Variants in RPL3 observed in about 807,000 individuals in gnomAD.
RPL3 encodes ribosomal protein L3.
A neutral mutation model predicts 46.0 loss-of-function variants in RPL3; 3 were observed. That is an observed-to-expected ratio of 0.07 (90% CI 0.03 to 0.17). The LOEUF (loss-of-function observed/expected upper bound fraction) is 0.17, where lower values mean the gene tolerates loss of function less well. Among genes scored for constraint, RPL3 ranks in the 10% least tolerant of loss-of-function variants. The probability of loss-of-function intolerance (pLI) is 1.00; values close to 1 mark genes in which losing one functional copy is unlikely to be tolerated. For missense variants in RPL3, 387 were observed against 532.7 expected (o/e 0.73, Z 2.69); for synonymous variants, 224 against 190.8 (o/e 1.17, Z -1.43).
chr22:39,314,857 T>C lies in RPL3; in HGVS notation c.689-11A>G, dbSNP rs765485141. On this transcript the variant is annotated splice_polypyrimidine_tract_variant and intron_variant, in intron 5 of 9. Coordinates refer to ENST00000216146, the MANE Select transcript of RPL3 (RefSeq NM_000967.4). ...AACGACTGGTGACCCCTGGAATGGA[T>C]ACACATTACTTCACCTCAGCGCCCA... 9.9e-6 allele frequency: 16 copies of C among 1,610,594 alleles called. No homozygotes were observed. Among genetic ancestry groups the C allele is most frequent in the Non-Finnish European group, 1.2e-5 (14 of 1,177,650 alleles).
rs112651301 is a variant in RPL3 at position 39,314,211 on chromosome 22, G to A, written c.850-3C>T. Reference sequence around the variant, plus strand: ...TAGCCCTGGCCAATCTTATAAATCTGAATGAACAAGAAGGGTGTAAGGCTG... The same window carrying A: ...TAGCCCTGGCCAATCTTATAAATCTAAATGAACAAGAAGGGTGTAAGGCTG... On this transcript the variant is annotated splice_polypyrimidine_tract_variant and splice_region_variant and intron_variant, in intron 6 of 9. Coordinates refer to ENST00000216146, the MANE Select transcript of RPL3 (RefSeq NM_000967.4). 2 of 1,612,186 alleles carry A rather than the reference G, an allele frequency of 1.2e-6. No individual in the cohort carries two copies. The highest frequency in any genetic ancestry group is 8.5e-7 in the Non-Finnish European group (1 of 1,178,340).
intron 1 of RPL3, 136 bp from the exon 2 acceptor site, chr22:39,318,728 T>A: frequency 1.4e-6 from 1 of 708,474 alleles, no homozygotes; most frequent in East Asian, 2.7e-5. Flanking sequence ...AATAAAAAGG[T>A]CATTATCTCT....
chr22:39,314,270 T>C, intron 6 of RPL3, 62 bp from the exon 7 acceptor site: 4 of 1,407,758 alleles, frequency 2.8e-6, no homozygotes, highest in Non-Finnish European at 4.0e-6. Context: ...GACATGCCAG[T>C]GTGCTGACCT....
At chr22:39,315,322 C>T in intron 5 of RPL3, 47 bp downstream of exon 5, 7 of 1,613,040 alleles carry the variant, frequency 4.3e-6, no homozygotes, top group Non-Finnish European at 5.1e-6. Context: ...CCTGAAACCA[C>T]TTCTCCCCCA....
At chr22:39,317,318 G>T in intron 3 of RPL3, 143 bp downstream of exon 3, 2 of 919,960 alleles carry the variant, frequency 2.2e-6, no homozygotes, top group Non-Finnish European at 3.2e-6. Flanking sequence ...TCTGATCCCA[G>T]GTATTTTTCT....
chr22:39,314,693 T>C lies in RPL3; in HGVS notation c.842A>G (p.Asn281Ser), dbSNP rs375753135. 8 of 1,612,488 alleles carry C rather than the reference T, an allele frequency of 5.0e-6. No individual in the cohort carries two copies. The African/African-American group carries it at 5.3e-5, about 11-fold the overall frequency. The change falls in exon 6 of 10, where the codon AAC becomes AGC. Residue 281 changes from asparagine (N) to serine (S), a missense_variant. Asn to Ser is a conservative substitution (Grantham distance 46). Around this residue, in one of 5 missense-constraint regions of RPL3, gnomAD observed 131 missense variants for 185.1 expected, o/e 0.71. Transcript: ENST00000216146. ...CCACTCTCAGAACCTCACCTTCTTG[T>C]TGATCTCAGTGCGGTGATGGTAGCC... is the stretch of plus-strand genomic sequence containing the variant. Reference protein sequence around the residue: ...QKGYHHRTEINKKIYKIGQGY... With the variant: ...QKGYHHRTEISKKIYKIGQGY...
chr22:39,313,963 T>C (rs1176247130), intron 7 of RPL3, 144 bp downstream of exon 7: 3 of 853,362 alleles, frequency 3.5e-6, no homozygotes, highest in South Asian at 2.7e-5. Context: ...TGGACTCAGA[T>C]GACAACATGC....
chr22:39,314,576 A>C (rs1196752506), intron 6 of RPL3, 110 bp downstream of exon 6: 2 of 1,281,892 alleles, frequency 1.6e-6, no homozygotes, highest in Non-Finnish European at 2.1e-6. Context: ...ACTGATGTCC[A>C]CGTGATGCAT....
chr22:39,319,441 T>C, intron 1 of RPL3, 154 bp downstream of exon 1: 1 of 1,076,046 alleles, frequency 9.3e-7, no homozygotes, highest in Non-Finnish European at 1.4e-6. Context: ...CTCTCGACTT[T>C]CCAGAAAATA....
At chr22:39,314,301 G>A (rs1922545040) in intron 6 of RPL3, 93 bp from the exon 7 acceptor site, 1 of 1,087,194 alleles carries the variant, frequency 9.2e-7, no homozygotes, top group Non-Finnish European at 1.4e-6. Context: ...CTAGAAGGCA[G>A]CTGAGGCCTC....
chr22:39,315,230 G>A (rs1244659090), intron 5 of RPL3, 139 bp downstream of exon 5: 4 of 1,211,048 alleles, frequency 3.3e-6, no homozygotes, highest in Non-Finnish European at 4.9e-6. Context: ...TCAGAAGGAA[G>A]GCAGTAGAGA....
chr22:39,316,197 C>T (rs1359008071), intron 4 of RPL3, among the ~76,000 whole-genome samples: 1 of 150,754 alleles, frequency 6.6e-6, no homozygotes, highest in East Asian at 1.9e-4. Context: ...TGAGATAGGG[C>T]TATTGCACTC....
intron 1 of RPL3, 24 bp from the exon 2 acceptor site, chr22:39,318,616 C>T: frequency 6.3e-7 from 1 of 1,582,646 alleles, no homozygotes. Flanking sequence ...AAATCACCGT[C>T]AGCACCCAAA....
chr22:39,313,903 C>T (rs773785567), intron 7 of RPL3, 174 bp from the exon 8 acceptor site: 2 of 842,094 alleles, frequency 2.4e-6, no homozygotes, highest in South Asian at 2.7e-5. Flanking sequence ...GGCCTCATCA[C>T]TGAACAGCTG....
intron 1 of RPL3, 141 bp downstream of exon 1, chr22:39,319,454 C>T (rs1482694535): frequency 2.0e-5 from 23 of 1,178,594 alleles, no homozygotes; most frequent in Non-Finnish European, 2.8e-5. Flanking sequence ...AGAAAATAGG[C>T]CAGACTGAAG....
At chr22:39,318,295 G>T in intron 2 of RPL3, 105 bp downstream of exon 2, 1 of 1,221,682 alleles carries the variant, frequency 8.2e-7, no homozygotes, top group Non-Finnish European at 1.2e-6. Context: ...TGTAACTCCT[G>T]CTTAAAAAAA....
Position 39,314,015 on chromosome 22 carries a change from TA to T in RPL3, c.951+91del. ...AGCTAGGTGTTGTGTTGGCTTCAGTTAACGATCCTGCTAGCAGCCCCTAGGA... is the reference window on the plus strand; with the variant it reads ...AGCTAGGTGTTGTGTTGGCTTCAGTTACGATCCTGCTAGCAGCCCCTAGGA... On this transcript the variant is annotated intron_variant, in intron 7 of 9. Transcript: ENST00000216146. The T allele has an allele frequency of 8.3e-6, 9 of 1,087,976 alleles. No homozygotes were observed. In the South Asian group the frequency reaches 1.1e-4, roughly 14 times the overall value. The allele number at this position is 1,087,976 out of a possible 1,614,324, so 67.4% of individuals were successfully genotyped here.
At chr22:39,314,869 C>T (rs766681561) in intron 5 of RPL3, 23 bp from the exon 6 acceptor site, 92 of 1,604,012 alleles carry the variant, frequency 5.7e-5, no homozygotes, top group Non-Finnish European at 7.7e-5. Context: ...CACATTACTT[C>T]ACCTCAGCGC....
chr22:39,313,132 A>C lies in RPL3; in HGVS notation c.1167+59T>G, dbSNP rs1922461122. 4 of 1,599,066 alleles carry C rather than the reference A, an allele frequency of 2.5e-6. No homozygotes were observed. In the South Asian group the frequency reaches 4.5e-5, roughly 18 times the overall value. On this transcript the variant is annotated intron_variant, in intron 9 of 9. Transcript: ENST00000216146. The stretch of plus-strand genomic sequence containing the variant: ...ACCACCCCTACCCCGGCTGGAGCCA[A>C]AGGCAGGCGGCTGCCCAAGCCACCA...
Sources: allele counts gnomAD v4.1 joint callset (sites outside exome capture counted in the v4.1 genomes callset), GRCh38; gene constraint gnomAD v4.1.1; regional missense constraint gnomAD v4.1.1; transcripts MANE v1.5; gene names NCBI Gene and HGNC (gene_info 2026-07-23, HGNC 2026-07-21).